Variants in CADPS2 observed in about 807,000 individuals in gnomAD.
CADPS2 encodes calcium-dependent secretion activator 2.
In CADPS2, 93 loss-of-function variants were observed where a neutral mutation model predicts 172.5. The observed-to-expected ratio is 0.54, with a 90% confidence interval of 0.46 to 0.64. The LOEUF is 0.64. Among genes scored for constraint, CADPS2 ranks in the 30% least tolerant of loss-of-function variants. The pLI is 0.00. For missense variants in CADPS2, 1,420 were observed against 1,565.9 expected, an observed-to-expected ratio of 0.91 and a Z score of 1.57; for synonymous variants, 546 against 555.2, an observed-to-expected ratio of 0.98 and a Z score of 0.23.
chr7:122,598,532 G>C (rs978388264), intron 6 of CADPS2, among the ~76,000 whole-genome samples: 1 of 152,072 alleles, frequency 6.6e-6, no homozygotes, highest in African/African-American at 2.4e-5. Flanking sequence ...ATGTCACTTA[G>C]CAGATTGTAT....
At chr7:122,841,039 T>C (rs1810337449) in intron 1 of CADPS2, among the ~76,000 whole-genome samples, 1 of 152,172 alleles carries the variant, frequency 6.6e-6, no homozygotes, top group Non-Finnish European at 1.5e-5. Flanking sequence ...ATTTAACAAA[T>C]TGATCAATAT....
chr7:122,809,493 T>C (rs372245609), intron 1 of CADPS2, among the ~76,000 whole-genome samples: 49 of 151,602 alleles, frequency 3.2e-4, no homozygotes, highest in African/African-American at 1.1e-3. Context: ...AGGCAGAGAA[T>C]TGCTTGAACC....
intron 17 of CADPS2, among the ~76,000 whole-genome samples, chr7:122,422,422 C>A (rs1419259309): frequency 1.3e-5 from 2 of 152,116 alleles, no homozygotes; most frequent in African/African-American, 4.8e-5. Flanking sequence ...TACCATTAGG[C>A]CCAGCTGAAG....
intron 1 of CADPS2, among the ~76,000 whole-genome samples, chr7:122,841,171 A>G (rs1810376001): frequency 6.6e-6 from 1 of 152,180 alleles, no homozygotes; most frequent in East Asian, 1.9e-4. Flanking sequence ...TCAAACTATC[A>G]AATTTGTTGA....
intron 7 of CADPS2, among the ~76,000 whole-genome samples, chr7:122,566,734 G>T (rs2066524105): frequency 6.6e-6 from 1 of 152,114 alleles, no homozygotes; most frequent in African/African-American, 2.4e-5. Flanking sequence ...TATAATTGTT[G>T]TTCTAGTTTA....
intron 3 of CADPS2, 46 bp from the exon 4 acceptor site, chr7:122,629,374 T>C (rs765783943): frequency 1.4e-6 from 2 of 1,464,158 alleles, no homozygotes; most frequent in South Asian, 2.5e-5. Context: ...ACTTAATCTA[T>C]ATACAGTGAC....
Position 122,589,849 on chromosome 7 carries a change from T to C in CADPS2, c.1224-8559A>G, listed in dbSNP as rs538584313. 3.3e-5 allele frequency among the ~76,000 whole-genome samples: 5 copies of C among 152,026 alleles called. No individual in the cohort carries two copies. In the South Asian group the frequency reaches 1.0e-3, roughly 32 times the overall value. ...ACAAGTATGGGCTTATACATGTATC[T>C]CTATGCTTATGTGTGTACTTAAACG... On this transcript the variant is annotated intron_variant, in intron 6 of 29. Transcript: ENST00000449022.
intron 1 of CADPS2, among the ~76,000 whole-genome samples, chr7:122,885,547 A>AGTACTCGGGCTCCAC (rs1824116896): frequency 6.6e-6 from 1 of 152,178 alleles, no homozygotes; most frequent in African/African-American, 2.4e-5. Context: ...AGCTAAGAGA[A>AGTACTCGGGCTCCAC]GTACTCGGGC....
intron 1 of CADPS2, among the ~76,000 whole-genome samples, chr7:122,823,722 A>G (rs1014453558): frequency 2.0e-4 from 30 of 152,176 alleles, no homozygotes; most frequent in African/African-American, 7.0e-4. Context: ...CTGAGAGTTA[A>G]CTCAGAAAAT....
chr7:122,797,634 A>G (rs1796667582), intron 1 of CADPS2, among the ~76,000 whole-genome samples: 1 of 152,124 alleles, frequency 6.6e-6, no homozygotes, highest in South Asian at 2.1e-4. Flanking sequence ...TATAAGTGGG[A>G]GCTAAATGAT....
intron 3 of CADPS2, among the ~76,000 whole-genome samples, chr7:122,657,564 T>G (rs1385651544): frequency 2.6e-5 from 4 of 152,196 alleles, no homozygotes; most frequent in Non-Finnish European, 4.4e-5. Context: ...TTGTTCTCTT[T>G]GAAGCAATTG....
intron 11 of CADPS2, among the ~76,000 whole-genome samples, chr7:122,488,566 G>A (rs900561155): frequency 5.3e-5 from 8 of 152,210 alleles, no homozygotes; most frequent in South Asian, 2.1e-4. Flanking sequence ...CCATGGTGAC[G>A]AGCAGTGCAT....
At chr7:122,770,750 C>T (rs1485258316) in intron 1 of CADPS2, among the ~76,000 whole-genome samples, 2 of 152,116 alleles carry the variant, frequency 1.3e-5, no homozygotes, top group Admixed American at 1.3e-4. Context: ...ATGGCGGCAC[C>T]CACAGGGCAG....
chr7:122,783,002 A>G (rs1458865751), intron 1 of CADPS2, among the ~76,000 whole-genome samples: 1 of 152,074 alleles, frequency 6.6e-6, no homozygotes, highest in African/African-American at 2.4e-5. Context: ...TGACAAAACA[A>G]TAAACAGCAT....
chr7:122,522,316 T>C (rs2060869365), intron 8 of CADPS2, among the ~76,000 whole-genome samples: 2 of 152,152 alleles, frequency 1.3e-5, no homozygotes, highest in South Asian at 2.1e-4. Flanking sequence ...GGTTTCACCA[T>C]GTTGCTCAGG....
In CADPS2 at chr7:122,610,668, T is replaced by C. The variant is rs116112166; in HGVS notation, c.1223+4513A>G. Reference sequence around the variant, plus strand: ...TAAATTTACTAAAAATCATCTAATCTACAATAGATGAATTTTATTTTATAC... The same window carrying C: ...TAAATTTACTAAAAATCATCTAATCCACAATAGATGAATTTTATTTTATAC... On this transcript the variant is annotated intron_variant, in intron 6 of 29. Coordinates refer to ENST00000449022, the MANE Select transcript of CADPS2 (RefSeq NM_017954.11). 3.1e-3 allele frequency among the ~76,000 whole-genome samples: 473 copies of C among 152,220 alleles called. 5 individuals carry two copies. Among genetic ancestry groups the C allele is most frequent in the African/African-American group, 0.011 (458 of 41,544 alleles).
At chr7:122,589,367 AC>A (rs2070352878) in intron 6 of CADPS2, among the ~76,000 whole-genome samples, 1 of 151,994 alleles carries the variant, frequency 6.6e-6, no homozygotes, top group Non-Finnish European at 1.5e-5. Context: ...ACACTAAAAG[AC>A]TTATAAAACA....
chr7:122,622,707 C>A (rs1367060707), intron 4 of CADPS2, among the ~76,000 whole-genome samples: 2 of 152,158 alleles, frequency 1.3e-5, no homozygotes, highest in African/African-American at 2.4e-5. Flanking sequence ...AAAATGACCA[C>A]CAGTGCACAG....
chr7:122,368,794 C>T (rs1333125419), intron 25 of CADPS2, among the ~76,000 whole-genome samples: 1 of 152,142 alleles, frequency 6.6e-6, no homozygotes, highest in Non-Finnish European at 1.5e-5. Flanking sequence ...CTGGAGACAA[C>T]AGATGCAGGC....
Sources: allele counts gnomAD v4.1 joint callset (sites outside exome capture counted in the v4.1 genomes callset), GRCh38; gene constraint gnomAD v4.1.1; transcripts MANE v1.5; gene names NCBI Gene and HGNC (gene_info 2026-07-23, HGNC 2026-07-21).